Variants in CAMK4 observed in about 807,000 individuals in gnomAD.
CAMK4 encodes calcium/calmodulin-dependent protein kinase type IV.
Under a neutral mutation model 44.9 loss-of-function variants are expected in CAMK4, and 22 were observed. The observed-to-expected ratio is 0.49, with a 90% CI of 0.35 to 0.70. CAMK4 has a LOEUF of 0.70. Among genes scored for constraint, CAMK4 ranks in the 30% least tolerant of loss-of-function variants. The pLI, the probability that CAMK4 is intolerant of heterozygous loss-of-function variation, is 0.01. For missense variants in CAMK4, 498 were observed against 586.8 expected, an observed-to-expected ratio of 0.85 and a Z score of 1.56; for synonymous variants, 218 against 215.4, an observed-to-expected ratio of 1.01 and a Z score of -0.11.
At position 111,449,164 on chromosome 5, in the gene CAMK4, G is replaced by C. The variant is rs1341256979; in HGVS notation, c.586G>C (p.Val196Leu). Residue 196 changes from valine to leucine, a missense_variant, in exon 7 of 11, where the codon GTG becomes CTG. By Grantham distance (32) the Val-to-Leu change is conservative. Transcript: ENST00000282356. ...FGLSKIVEHQ[V>L]LMKTVCGTPG... ...ACTCTCTAAAATTGTGGAACATCAAGTGCTCATGAAGACAGTATGTGGAAC... is the reference window on the plus strand; with the variant it reads ...ACTCTCTAAAATTGTGGAACATCAACTGCTCATGAAGACAGTATGTGGAAC... The C allele has an allele frequency of 3.2e-6, 5 of 1,584,170 alleles. No homozygotes were observed. The highest frequency in any genetic ancestry group is 2.6e-6 in the Non-Finnish European group (3 of 1,155,006).
rs140947657 is a variant in CAMK4 at position 111,467,555 on chromosome 5, A to G, written c.626-5756A>G. ...AGTGGACTAAGGACATGAATGGACA[A>G]TTCTCAAAAGAAGATATACAAATGG... On this transcript the variant is annotated intron_variant, in intron 7 of 10. Transcript: ENST00000282356. Among the ~76,000 whole-genome samples the G allele has an allele frequency of 5.6e-3, 857 of 152,210 alleles. 5 individuals are homozygous for G. The highest frequency in any genetic ancestry group is 9.7e-3 in the Non-Finnish European group (658 of 67,984).
intron 5 of CAMK4, among the ~76,000 whole-genome samples, chr5:111,445,263 C>CTA (rs1320983952): frequency 1.3e-5 from 2 of 152,062 alleles, no homozygotes; most frequent in Non-Finnish European, 2.9e-5. Context: ...ATAGAATACA[C>CTA]TAAACTGATA....
At chr5:111,351,392 A>ATTTTCT (rs1475840240) in intron 2 of CAMK4, among the ~76,000 whole-genome samples, 2 of 149,960 alleles carry the variant, frequency 1.3e-5, no homozygotes, top group East Asian at 2.0e-4. Flanking sequence ...GCAACTTGGA[A>ATTTTCT]TTTTCTTTTT....
intron 1 of CAMK4, among the ~76,000 whole-genome samples, chr5:111,321,081 CT>C (rs1412699283): frequency 6.6e-6 from 1 of 152,116 alleles, no homozygotes; most frequent in African/African-American, 2.4e-5. Context: ...ACCTACACCC[CT>C]GGAAGTGAGC....
chr5:111,245,827 G>A (rs888823621), intron 1 of CAMK4, among the ~76,000 whole-genome samples: 17 of 152,214 alleles, frequency 1.1e-4, no homozygotes, highest in African/African-American at 3.4e-4. Flanking sequence ...GGGTGTGTAC[G>A]TCATAATCAT....
At chr5:111,454,861 TA>T (rs3216647) in intron 7 of CAMK4, among the ~76,000 whole-genome samples, 1 of 151,290 alleles carries the variant, frequency 6.6e-6, no homozygotes, top group African/African-American at 2.4e-5. Flanking sequence ...AGGGCTTAGG[TA>T]AAAAAAAATT....
At chr5:111,288,045 A>C (rs1751308653) in intron 1 of CAMK4, among the ~76,000 whole-genome samples, 2 of 152,106 alleles carry the variant, frequency 1.3e-5, no homozygotes, top group African/African-American at 4.8e-5. Flanking sequence ...TCCTGTTTTG[A>C]ATTTTATATA....
At chr5:111,377,678 T>C (rs1023690526) in intron 4 of CAMK4, among the ~76,000 whole-genome samples, 2 of 152,138 alleles carry the variant, frequency 1.3e-5, no homozygotes, top group African/African-American at 4.8e-5. Flanking sequence ...AGCCTTTTGC[T>C]GTGTTCATCA....
intron 1 of CAMK4, among the ~76,000 whole-genome samples, chr5:111,300,038 T>C (rs1747655372): frequency 6.6e-6 from 1 of 152,218 alleles, no homozygotes; most frequent in Non-Finnish European, 1.5e-5. Flanking sequence ...CAGTCTCTTT[T>C]TCTCTTTGCA....
intron 5 of CAMK4, among the ~76,000 whole-genome samples, chr5:111,398,523 A>T (rs1313728294): frequency 6.6e-6 from 1 of 152,110 alleles, no homozygotes; most frequent in African/African-American, 2.4e-5. Flanking sequence ...ATTGCATCCT[A>T]GGTGCGGTTT....
At chr5:111,411,884 G>T (rs1273914588) in intron 5 of CAMK4, among the ~76,000 whole-genome samples, 1 of 152,066 alleles carries the variant, frequency 6.6e-6, no homozygotes, top group African/African-American at 2.4e-5. Context: ...TTTGGAAAAA[G>T]ACATTAAAAG....
chr5:111,317,950 A>ATT (rs1285948391), intron 1 of CAMK4, among the ~76,000 whole-genome samples: 1 of 146,540 alleles, frequency 6.8e-6, no homozygotes, highest in Non-Finnish European at 1.5e-5. Context: ...TTAAAAGGCT[A>ATT]TTTTTTATCG....
chr5:111,325,075 C>T (rs1022764492), intron 1 of CAMK4, among the ~76,000 whole-genome samples: 1 of 151,904 alleles, frequency 6.6e-6, no homozygotes, highest in East Asian at 1.9e-4. Context: ...GTTCAACTCC[C>T]GCTTATGAGT....
chr5:111,373,255 G>A (rs1421964254), intron 2 of CAMK4, among the ~76,000 whole-genome samples: 1 of 152,042 alleles, frequency 6.6e-6, no homozygotes, highest in Non-Finnish European at 1.5e-5. Context: ...GTATACGGGT[G>A]AAATAAACTC....
At chr5:111,375,735 C>T (rs533994071) in intron 3 of CAMK4, among the ~76,000 whole-genome samples, 22 of 152,282 alleles carry the variant, frequency 1.4e-4, no homozygotes, top group East Asian at 1.9e-4. Context: ...TGGCTCAGCT[C>T]GCCGGTGCTG....
chr5:111,478,687 G>A lies in CAMK4; in HGVS notation c.828+180G>A, dbSNP rs562659166. Among the ~76,000 whole-genome samples, 5 of 152,164 alleles carry A rather than the reference G, an allele frequency of 3.3e-5. No homozygotes were observed. The East Asian group carries it at 9.7e-4, about 29-fold the overall frequency. On this transcript the variant is annotated intron_variant, in intron 9 of 10. Transcript: ENST00000282356. ...TCCTTAGAGAATAAAAACTAGATATGTTTTTGACTCATCACTAGTTGAATT... is the reference window on the plus strand; with the variant it reads ...TCCTTAGAGAATAAAAACTAGATATATTTTTGACTCATCACTAGTTGAATT...
chr5:111,375,055 T>C, intron 3 of CAMK4, 143 bp downstream of exon 3: 2 of 600,814 alleles, frequency 3.3e-6, no homozygotes, highest in South Asian at 4.4e-5. Context: ...CCTCATCTCA[T>C]CACCTTTTCA....
chr5:111,431,480 C>T (rs1014788942), intron 5 of CAMK4, among the ~76,000 whole-genome samples: 6 of 152,058 alleles, frequency 3.9e-5, no homozygotes, highest in African/African-American at 1.4e-4. Context: ...ACCCCACAAG[C>T]ACAGGTAACC....
intron 1 of CAMK4, among the ~76,000 whole-genome samples, chr5:111,272,807 C>T (rs1381287405): frequency 6.6e-6 from 1 of 152,134 alleles, no homozygotes; most frequent in African/African-American, 2.4e-5. Flanking sequence ...ATCCTTGTCT[C>T]TATACAGAGT....
Sources: gnomAD v4.1 joint callset for allele counts (sites outside exome capture counted in the v4.1 genomes callset) on GRCh38, gnomAD v4.1.1 for gene constraint, MANE v1.5 for transcripts, NCBI Gene and HGNC (gene_info 2026-07-23, HGNC 2026-07-21) for gene names.